NME9: variants seen among roughly 807,000 people sequenced by gnomAD.
NME9 encodes NME/NM23 family member 9.
NME9 carries 48 observed loss-of-function variants against 44.4 expected under a neutral mutation model. The ratio of observed to expected loss-of-function variants is 1.08; its 90% confidence interval spans 0.86 to 1.37. NME9 has a LOEUF of 1.37. NME9 is among the 40% of genes most tolerant of loss of function. The pLI, the probability that NME9 is intolerant of heterozygous loss-of-function variation, is 0.00. For missense variants in NME9, 325 were observed against 405.2 expected, an observed-to-expected ratio of 0.80 and a Z score of 1.70; for synonymous variants, 139 against 147.1, an observed-to-expected ratio of 0.94 and a Z score of 0.40.
At chr3:138,306,904 T>C (rs918421267) in intron 6 of NME9, among the ~76,000 whole-genome samples, 9 of 152,090 alleles carry the variant, frequency 5.9e-5, no homozygotes, top group African/African-American at 1.7e-4. Context: ...GCATGGGCAA[T>C]ACAGGCCTGG....
chr3:138,278,375 G>A (rs2049517880), intron 8 of NME9, among the ~76,000 whole-genome samples: 1 of 151,830 alleles, frequency 6.6e-6, no homozygotes, highest in African/African-American at 2.4e-5. Context: ...GTATGGTCAC[G>A]CACCTGTAGT....
In NME9 at chr3:138,329,757, G is replaced by A. The variant is rs951701755; in HGVS notation, c.-422C>T. The A allele has an allele frequency of 1.7e-5, 17 of 1,003,136 alleles. No homozygotes were observed. The highest frequency in any genetic ancestry group is 2.0e-5 in the Non-Finnish European group (17 of 841,634). 62.1% of individuals were successfully genotyped at this position (1,003,136 alleles called of 1,614,324 possible). On this transcript the variant is annotated 5_prime_UTR_variant, in exon 1 of 11. Transcript: ENST00000333911. ...TCCCTGCTGTTCTTATGGATTACTG[G>A]GAAAGTGAGCCACTGCGAACGACAG... is the stretch of plus-strand genomic sequence containing the variant.
At chr3:138,284,413 C>T in intron 8 of NME9, 1 of 1,595,156 alleles carries the variant, frequency 6.3e-7, no homozygotes, top group Non-Finnish European at 8.6e-7. Flanking sequence ...TGACTGTTGG[C>T]CCTTTGTTCT....
At chr3:138,320,213 T>C (rs1205346373) in intron 2 of NME9, among the ~76,000 whole-genome samples, 1 of 152,216 alleles carries the variant, frequency 6.6e-6, no homozygotes, top group Non-Finnish European at 1.5e-5. Context: ...ATCTGAGTGT[T>C]GTGAACCATG....
chr3:138,273,311 C>G (rs575518319), intron 8 of NME9, among the ~76,000 whole-genome samples: 3 of 152,284 alleles, frequency 2.0e-5, no homozygotes, highest in South Asian at 2.1e-4. Flanking sequence ...ACCATATCAC[C>G]CCCTATTCTC....
rs568921075 is a variant in NME9 at position 138,289,219 on chromosome 3, G to T, written c.745+14288C>A. The T allele has an allele frequency of 2.8e-5, 26 of 918,756 alleles. 1 individual carries two copies. In the South Asian group the frequency reaches 3.9e-4, roughly 14 times the overall value. The allele number at this position is 918,756 out of a possible 1,614,324, so 56.9% of individuals were successfully genotyped here. ...CCCTGAGATCCTGGGCAGAGGCTCT[G>T]TTCTTGGACCATCTGGCCCAAGCAC... is the stretch of plus-strand genomic sequence containing the variant. On this transcript the variant is annotated intron_variant, in intron 8 of 8. Transcript: ENST00000317876.
intron 6 of NME9, among the ~76,000 whole-genome samples, chr3:138,313,432 G>A (rs573354168): frequency 1.3e-5 from 2 of 152,048 alleles, no homozygotes; most frequent in East Asian, 3.9e-4. Context: ...ATAATGAGGT[G>A]AGGATGTAGA....
chr3:138,301,612 C>T lies in NME9; in HGVS notation c.*28G>A, dbSNP rs141791841. 80 of 1,535,784 alleles carry T rather than the reference C, an allele frequency of 5.2e-5. No homozygotes were observed. The highest frequency in any genetic ancestry group is 6.7e-5 in the Non-Finnish European group (77 of 1,146,608). ...GTTTTGTGCAGTAGACCCCTGGTCACGTGCTCTGGAAGAGCAGCACAGCCA... is the reference window on the plus strand; with the variant it reads ...GTTTTGTGCAGTAGACCCCTGGTCATGTGCTCTGGAAGAGCAGCACAGCCA... On this transcript the variant is annotated 3_prime_UTR_variant, in exon 11 of 11. Coordinates refer to ENST00000333911, the MANE Select transcript of NME9 (RefSeq NM_001349018.2).
chr3:138,293,325 A>T (rs945637396), intron 8 of NME9, among the ~76,000 whole-genome samples: 2 of 152,170 alleles, frequency 1.3e-5, no homozygotes, highest in Admixed American at 6.5e-5. Flanking sequence ...GCGGATTATG[A>T]GGTCAGGAGT....
chr3:138,329,456 A>T lies in NME9; in HGVS notation c.-121T>A. 4.0e-6 allele frequency: 6 copies of T among 1,503,852 alleles called. No homozygotes were observed. Among genetic ancestry groups the T allele is most frequent in the Non-Finnish European group, 5.3e-6 (6 of 1,131,364 alleles). 93.2% of individuals were successfully genotyped at this position (1,503,852 alleles called of 1,614,324 possible). A position where few individuals can be genotyped will look rare whatever the true frequency, so the allele number is the denominator to read the frequency against. On this transcript the variant is annotated 5_prime_UTR_variant, in exon 1 of 11. Transcript: ENST00000333911. ...CCTCCTTCAGACAAGCCCCCCTCCT[A>T]CGGCCCCCGGCCCCTTTTTAAGGTG... is the stretch of plus-strand genomic sequence containing the variant.
Position 138,329,652 on chromosome 3 carries a change from C to G in NME9, c.-317G>C. 8.0e-7 allele frequency: 1 copy of G among 1,246,148 alleles called. No individual in the cohort carries two copies. Among genetic ancestry groups the G allele is most frequent in the South Asian group, 2.3e-5 (1 of 44,428 alleles). 77.2% of individuals were successfully genotyped at this position (1,246,148 alleles called of 1,614,324 possible). ...GCGCGCGCAGAGGCCGGAGTCAGTG[C>G]GCCGGGCGCGGTGCAGCCTGTCGGG... On this transcript the variant is annotated 5_prime_UTR_variant, in exon 1 of 11. Coordinates refer to ENST00000333911, the MANE Select transcript of NME9 (RefSeq NM_001349018.2).
intron 8 of NME9, among the ~76,000 whole-genome samples, chr3:138,272,402 A>G (rs889817801): frequency 1.3e-5 from 2 of 152,252 alleles, no homozygotes; most frequent in African/African-American, 4.8e-5. Context: ...TTTATTTGAG[A>G]AGTCTTAAGA....
chr3:138,279,707 G>A (rs2049686813), intron 8 of NME9, among the ~76,000 whole-genome samples: 1 of 152,154 alleles, frequency 6.6e-6, no homozygotes, highest in South Asian at 2.1e-4. Flanking sequence ...TACAAATTCA[G>A]ATTTTTTAAT....
intron 8 of NME9, among the ~76,000 whole-genome samples, chr3:138,266,960 G>T (rs1018054102): frequency 6.6e-6 from 1 of 152,222 alleles, no homozygotes; most frequent in Non-Finnish European, 1.5e-5. Flanking sequence ...AGACAGATTT[G>T]AGGGCGTTAG....
intron 8 of NME9, among the ~76,000 whole-genome samples, chr3:138,286,178 A>T (rs570054432): frequency 6.6e-6 from 1 of 152,118 alleles, no homozygotes; most frequent in African/African-American, 2.4e-5. Flanking sequence ...CCTGATCTCA[A>T]ATGATCCACC....
Position 138,263,524 on chromosome 3 carries a change from T to C in NME9, c.746-938A>G, listed in dbSNP as rs2047960805. 3 of 586,506 alleles carry C rather than the reference T, an allele frequency of 5.1e-6. No homozygotes were observed. In the East Asian group the frequency reaches 8.6e-5, roughly 17 times the overall value. 36.3% of individuals were successfully genotyped at this position (586,506 alleles called of 1,614,324 possible). On this transcript the variant is annotated intron_variant, in intron 8 of 8. Coordinates refer to the NME9 transcript ENST00000317876. ...AAAATAAACAACATAACCTGCCCCT[T>C]ACGCCTGTCATTCAGCCTGGCAGGT...
At chr3:138,269,820 C>CTTTTT (rs77095833) in intron 8 of NME9, among the ~76,000 whole-genome samples, 2 of 121,684 alleles carry the variant, frequency 1.6e-5, no homozygotes, top group Non-Finnish European at 3.4e-5. Flanking sequence ...TGTTTTCTTT[C>CTTTTT]TTTTTTTTTT....
At chr3:138,322,352 A>T (rs1440888370) in intron 2 of NME9, among the ~76,000 whole-genome samples, 2 of 141,424 alleles carry the variant, frequency 1.4e-5, no homozygotes, top group Non-Finnish European at 3.1e-5. Context: ...GCACCTTCAC[A>T]AAGTTATGGA....
intron 7 of NME9, 143 bp downstream of exon 7, chr3:138,306,255 C>G (rs984967465): frequency 3.5e-6 from 3 of 849,362 alleles, no homozygotes; most frequent in Non-Finnish European, 5.9e-6. Context: ...TTAACATTTT[C>G]ATTTACTTGA....
Sources: allele counts gnomAD v4.1 joint callset (sites outside exome capture counted in the v4.1 genomes callset), GRCh38; gene constraint gnomAD v4.1.1; transcripts MANE v1.5; gene names NCBI Gene and HGNC (gene_info 2026-07-23, HGNC 2026-07-21).